LYVE1: variants seen among roughly 807,000 people sequenced by gnomAD.
LYVE1 encodes lymphatic vessel endothelial hyaluronic acid receptor 1.
Under a neutral mutation model 31.5 loss-of-function variants are expected in LYVE1, and 29 were observed. The ratio of observed to expected loss-of-function variants is 0.92; its 90% CI spans 0.69 to 1.26. LYVE1 has a LOEUF of 1.26. LYVE1 is among the 50% of genes most tolerant of loss of function. The pLI, the probability that LYVE1 is intolerant of heterozygous loss-of-function variation, is 0.00. For missense variants in LYVE1, 376 were observed against 380.2 expected (o/e 0.99, Z 0.09); for synonymous variants, 134 against 139.4 (o/e 0.96, Z 0.27).
In LYVE1 at chr11:10,557,148, G is replaced by T. The variant is rs1245650557; in HGVS notation, c.*1963C>A. On this transcript the variant is annotated 3_prime_UTR_variant, in exon 6 of 6. Transcript: ENST00000256178. ...GACGTGGGCTGGGTGTGAAGAAAAG[G>T]CCACAGTGTTACAAAGTTCATAGGA... 6.6e-6 allele frequency: 1 copy of T among 152,166 alleles called. No homozygotes were observed. The highest frequency in any genetic ancestry group is 6.5e-5 in the Admixed American group (1 of 15,274). 9.4% of individuals were successfully genotyped at this position (152,166 alleles called of 1,614,324 possible).
chr11:10,560,868 G>T, intron 3 of LYVE1, 68 bp from the exon 4 acceptor site: 1 of 1,286,036 alleles, frequency 7.8e-7, no homozygotes, highest in Non-Finnish European at 1.1e-6. Flanking sequence ...CTTGCCTCTA[G>T]TCTTACTACC....
Position 10,560,717 on chromosome 11 carries a change from C to A in LYVE1, c.481G>T (p.Glu161Ter), listed in dbSNP as rs765199700. ...TAGGTACTGTCACTGACAATAAATTCTGTTGTTTGTGTTGCAGTTTGAGTG... is the reference window on the plus strand; with the variant it reads ...TAGGTACTGTCACTGACAATAAATTATGTTGTTTGTGTTGCAGTTTGAGTG... ...FNTQTATQTTEFIVSDSTYSV... is the reference protein window; with the variant it reads ...FNTQTATQTT The change falls in exon 4 of 6, where the codon GAA (glutamate) becomes TAA (stop). Residue 161 changes from glutamate (E) to a stop codon, truncating the protein, a stop_gained. Transcript: ENST00000256178. LOFTEE classifies it high-confidence loss of function. The A allele has an allele frequency of 3.1e-6, 5 of 1,613,660 alleles. No individual in the cohort carries two copies. The highest frequency in any genetic ancestry group is 4.2e-6 in the Non-Finnish European group (5 of 1,179,666).
intron 1 of LYVE1, among the ~76,000 whole-genome samples, chr11:10,566,346 G>A (rs1564879695): frequency 6.6e-6 from 1 of 152,090 alleles, no homozygotes. Flanking sequence ...CTGACCTCAG[G>A]TGATCCACCC....
Position 10,559,158 on chromosome 11 carries a change from T to G in LYVE1, c.922A>C (p.Lys308Gln). The G allele has an allele frequency of 6.2e-7, 1 of 1,614,214 alleles. No homozygotes were observed. The highest frequency in any genetic ancestry group is 8.5e-7 in the Non-Finnish European group (1 of 1,180,026). ...KKTDKNPEESKSPSKTTVRCL... is the reference protein window; with the variant it reads ...KKTDKNPEESQSPSKTTVRCL... ...CGCACGGTAGTTTTGCTTGGACTCT[T>G]GGACTCTTCTGGGTTTTTATCAGTT... Residue 308 changes from lysine to glutamine, a missense_variant, in exon 6 of 6, where the codon AAG (lysine) becomes CAG (glutamine). Coordinates refer to ENST00000256178, the MANE Select transcript of LYVE1 (RefSeq NM_006691.4).
intron 3 of LYVE1, among the ~76,000 whole-genome samples, chr11:10,562,598 T>C (rs1850450598): frequency 6.6e-6 from 1 of 152,152 alleles, no homozygotes; most frequent in African/African-American, 2.4e-5. Context: ...GATAGATGAG[T>C]ATGTGTGAAA....
Position 10,568,451 on chromosome 11 carries a change from C to G in LYVE1, c.82G>C (p.Glu28Gln), listed in dbSNP as rs1194262676. 1 of 1,613,952 alleles carries G rather than the reference C, an allele frequency of 6.2e-7. No individual in the cohort carries two copies. Among genetic ancestry groups the G allele is most frequent in the East Asian group, 2.2e-5 (1 of 44,878 alleles). The change falls in exon 1 of 6, where the codon GAA becomes CAA. Residue 28 changes from glutamate (E) to glutamine (Q), a missense_variant. Coordinates refer to ENST00000256178, the MANE Select transcript of LYVE1 (RefSeq NM_006691.4). ...RLLVQGSLRA[E>Q]ELSIQVSCRI... is the part of the protein sequence containing the mutation. The stretch of plus-strand genomic sequence containing the variant: ...GGAAATCTGGTGAGAAACCTACCTT[C>G]TGCACGCAAAGAGCCTTGGACCAGG...
At chr11:10,568,372 G>A (rs1287681765) in intron 1 of LYVE1, 76 bp downstream of exon 1, 1 of 1,474,312 alleles carries the variant, frequency 6.8e-7, no homozygotes, top group Non-Finnish European at 9.3e-7. Flanking sequence ...CTCATTCCCA[G>A]AAATCCATAG....
At position 10,568,476 on chromosome 11, in the gene LYVE1, G is replaced by A. The variant is rs748125916; in HGVS notation, c.57C>T (p.Leu19=). 2.9e-5 allele frequency: 46 copies of A among 1,614,018 alleles called. No homozygotes were observed. Among genetic ancestry groups the A allele is most frequent in the Non-Finnish European group, 1.6e-5 (19 of 1,179,916 alleles). The change falls in exon 1 of 6, where the codon CTC becomes CTT. Residue 19 remains leucine (L), a synonymous_variant. Transcript: ENST00000256178. ...CTGCACGCAAAGAGCCTTGGACCAGGAGCCTCGTGGTCCAGATGGAAGTGA... is the reference window on the plus strand; with the variant it reads ...CTGCACGCAAAGAGCCTTGGACCAGAAGCCTCGTGGTCCAGATGGAAGTGA... The part of the protein sequence containing the change: ...LLLTSIWTTR[L]LVQGSLRAEE...
At chr11:10,567,736 C>A (rs7112438) in intron 1 of LYVE1, among the ~76,000 whole-genome samples, 2 of 152,174 alleles carry the variant, frequency 1.3e-5, no homozygotes, top group Admixed American at 1.3e-4. Flanking sequence ...CACTTTAAGT[C>A]ATTCCTTTAG....
At chr11:10,559,726 G>T in intron 5 of LYVE1, 90 bp downstream of exon 5, 2 of 1,134,732 alleles carry the variant, frequency 1.8e-6, no homozygotes, top group South Asian at 2.7e-5. Flanking sequence ...TCTCCATTTT[G>T]ATCAGCAAAA....
At chr11:10,562,971 T>TTC (rs1380238968) in intron 3 of LYVE1, among the ~76,000 whole-genome samples, 1 of 143,568 alleles carries the variant, frequency 7.0e-6, no homozygotes, top group African/African-American at 2.7e-5. Context: ...TTTTTTTTTT[T>TTC]GAGACGGAGT....
rs773633079 is a variant in LYVE1, at chr11:10,564,032, G to T, written c.305C>A (p.Pro102Gln). 6.2e-7 allele frequency: 1 copy of T among 1,614,150 alleles called. No homozygotes were observed. The highest frequency in any genetic ancestry group is 1.1e-5 in the South Asian group (1 of 91,086). The change falls in exon 3 of 6, where the codon CCA becomes CAA. Residue 102 changes from proline to glutamine, a missense_variant. Coordinates refer to ENST00000256178, the MANE Select transcript of LYVE1 (RefSeq NM_006691.4). Reference sequence around the variant, plus strand: ...CCCATTTTTCCCACACTTGGGGTTTGGGCTAATCCTAGAGATGACCACGAA... The same window carrying T: ...CCCATTTTTCCCACACTTGGGGTTTTGGCTAATCCTAGAGATGACCACGAA... ...DGFVVISRISPNPKCGKNGVG... is the reference protein window; with the variant it reads ...DGFVVISRISQNPKCGKNGVG...
chr11:10,568,581 G>GAT lies in LYVE1; in HGVS notation c.-51_-50dup. On this transcript the variant is annotated 5_prime_UTR_variant, in exon 1 of 6. Transcript: ENST00000256178. ...GGAAACACCTCAGATGGCCACTGGT[G>GAT]ATATGAGAGGCAGATGCTCAATAAC... 2 of 1,591,812 alleles carry GAT rather than the reference G, an allele frequency of 1.3e-6. No homozygotes were observed. Among genetic ancestry groups the GAT allele is most frequent in the Non-Finnish European group, 1.7e-6 (2 of 1,167,728 alleles).
intron 1 of LYVE1, among the ~76,000 whole-genome samples, chr11:10,566,350 T>A (rs1850542225): frequency 6.6e-6 from 1 of 152,150 alleles, no homozygotes; most frequent in Non-Finnish European, 1.5e-5. Flanking sequence ...CCTCAGGTGA[T>A]CCACCCACCT....
At position 10,559,223 on chromosome 11, in the gene LYVE1, T is replaced by A. The variant is rs142573261; in HGVS notation, c.857A>T (p.Glu286Val). ...ATTAGGGTTGCTATCATTGGCCTTC[T>A]CCTCCTTTACTACTTTGGTTTCGAT... ...EMIETKVVKE[E>V]KANDSNPNEE... is the part of the protein sequence containing the mutation. The change falls in exon 6 of 6, where the codon GAG becomes GTG. Residue 286 changes from glutamate (E) to valine (V), a missense_variant. Physicochemically the swap from Glu to Val is moderately radical, Grantham distance 121. Transcript: ENST00000256178. 9.9e-6 allele frequency: 16 copies of A among 1,614,018 alleles called. No individual in the cohort carries two copies. Among genetic ancestry groups the A allele is most frequent in the Non-Finnish European group, 1.3e-5 (15 of 1,179,976 alleles).
chr11:10,563,863 G>A, intron 3 of LYVE1, 77 bp downstream of exon 3: 2 of 1,561,080 alleles, frequency 1.3e-6, no homozygotes, highest in Non-Finnish European at 8.8e-7. Flanking sequence ...GCTGCTCAGG[G>A]TTACTCTTCC....
chr11:10,567,219 A>G (rs558467129), intron 1 of LYVE1, among the ~76,000 whole-genome samples: 9 of 152,348 alleles, frequency 5.9e-5, no homozygotes, highest in African/African-American at 1.9e-4. Flanking sequence ...GCCCTCAAAT[A>G]TAGTTCCCAC....
intron 1 of LYVE1, among the ~76,000 whole-genome samples, 189 bp downstream of exon 1, chr11:10,568,259 C>T (rs149270240): frequency 6.6e-6 from 1 of 152,328 alleles, no homozygotes; most frequent in East Asian, 1.9e-4. Flanking sequence ...CCAGATGATA[C>T]AAACGTAAAT....
In LYVE1 at chr11:10,560,760, G is replaced by T; in HGVS notation, c.438C>A (p.Thr146=). The T allele has an allele frequency of 5.6e-6, 9 of 1,613,144 alleles. No homozygotes were observed. The highest frequency in any genetic ancestry group is 1.1e-5 in the South Asian group (1 of 91,048). The change falls in exon 4 of 6, where the codon ACC becomes ACA. Residue 146 remains threonine, a synonymous_variant. Transcript: ENST00000256178. The part of the protein sequence containing the change: ...TNSCIPEIIT[T]KDPIFNTQTA... The stretch of plus-strand genomic sequence containing the variant: ...TTTGAGTGTTGAATATGGGATCTTT[G>T]GTGGTGATAATTTCTGGAATGCACG...
Sources: gnomAD v4.1 joint callset for allele counts (sites outside exome capture counted in the v4.1 genomes callset) on GRCh38, gnomAD v4.1.1 for gene constraint, MANE v1.5 for transcripts, NCBI Gene and HGNC (gene_info 2026-07-23, HGNC 2026-07-21) for gene names.